Variants in MSI2 observed in about 807,000 individuals in gnomAD.
MSI2 encodes musashi RNA binding protein 2, also known as RNA-binding protein Musashi homolog 2.
Under a neutral mutation model 45.6 loss-of-function variants are expected in MSI2, and 17 were observed. The observed-to-expected ratio is 0.37, with a 90% CI of 0.26 to 0.56. The LOEUF is 0.56. MSI2 is among the 20% of genes least tolerant of loss of function. The pLI is 0.77. For missense variants in MSI2, 293 were observed against 444.2 expected (o/e 0.66, Z 3.06); for synonymous variants, 156 against 158.2 (o/e 0.99, Z 0.11).
intron 6 of MSI2, among the ~76,000 whole-genome samples, chr17:57,511,564 G>A (rs2143943567): frequency 6.6e-6 from 1 of 152,292 alleles, no homozygotes; most frequent in Non-Finnish European, 1.5e-5. Context: ...TTGCCCTGGG[G>A]AGGCAGGTTT....
intron 7 of MSI2, among the ~76,000 whole-genome samples, chr17:57,538,980 A>G (rs944989200): frequency 6.6e-6 from 1 of 152,220 alleles, no homozygotes; most frequent in Non-Finnish European, 1.5e-5. Flanking sequence ...TTTAATGAGT[A>G]TAAAGGGTTT....
intron 6 of MSI2, among the ~76,000 whole-genome samples, chr17:57,470,450 G>A (rs1238889058): frequency 6.6e-6 from 1 of 152,050 alleles, no homozygotes; most frequent in Non-Finnish European, 1.5e-5. Flanking sequence ...GCTAATTTTT[G>A]TATTTTTAGT....
intron 5 of MSI2, among the ~76,000 whole-genome samples, chr17:57,378,169 A>G (rs2083534095): frequency 6.6e-6 from 1 of 152,002 alleles, no homozygotes; most frequent in Non-Finnish European, 1.5e-5. Flanking sequence ...CTGGAGTGCA[A>G]TGGCGCACAC....
intron 5 of MSI2, among the ~76,000 whole-genome samples, chr17:57,380,905 G>A (rs2083587217): frequency 6.6e-6 from 1 of 152,082 alleles, no homozygotes; most frequent in African/African-American, 2.4e-5. Flanking sequence ...TGGTCTGTCT[G>A]TGCTCCCCCA....
chr17:57,290,982 C>G (rs1032722835), intron 5 of MSI2, among the ~76,000 whole-genome samples: 7 of 152,168 alleles, frequency 4.6e-5, no homozygotes, highest in African/African-American at 1.7e-4. Context: ...TGCGAGATGC[C>G]CCTGGGTGTC....
intron 6 of MSI2, among the ~76,000 whole-genome samples, chr17:57,421,562 C>T (rs1426162877): frequency 6.6e-6 from 1 of 151,896 alleles, no homozygotes. Context: ...TCCTCCTTCT[C>T]CTCAGGCACA....
At chr17:57,581,537 T>G (rs1438776961) in intron 7 of MSI2, among the ~76,000 whole-genome samples, 2 of 152,174 alleles carry the variant, frequency 1.3e-5, no homozygotes, top group African/African-American at 2.4e-5. Flanking sequence ...TTCTTTTGAG[T>G]AGGCTACACT....
rs537973474 is a variant in MSI2, at chr17:57,353,147, T to C, written c.313-48232T>C. On this transcript the variant is annotated intron_variant, in intron 5 of 13. Transcript: ENST00000284073. ...CCAGATAGCTCCCGAAAATGCGCTC[T>C]CCTCCAGAGAAGGACACTTTTCATT... 2.0e-5 allele frequency among the ~76,000 whole-genome samples: 3 copies of C among 152,300 alleles called. No individual in the cohort carries two copies. The East Asian group carries it at 5.8e-4, about 29-fold the overall frequency.
intron 5 of MSI2, among the ~76,000 whole-genome samples, chr17:57,272,228 C>G (rs1908440504): frequency 6.6e-6 from 1 of 152,196 alleles, no homozygotes; most frequent in South Asian, 2.1e-4. Context: ...GTGTTCTCCA[C>G]CCTAAAGAGG....
At chr17:57,540,626 A>G (rs1005927852) in intron 7 of MSI2, among the ~76,000 whole-genome samples, 1 of 152,218 alleles carries the variant, frequency 6.6e-6, no homozygotes, top group African/African-American at 2.4e-5. Context: ...ATGTGAAGAG[A>G]GAGACACAGG....
chr17:57,338,451 G>A (rs1001821918), intron 5 of MSI2, among the ~76,000 whole-genome samples: 7 of 152,208 alleles, frequency 4.6e-5, no homozygotes, highest in Non-Finnish European at 1.0e-4. Flanking sequence ...GCAATGGCAC[G>A]ATCTAGGCTC....
intron 6 of MSI2, among the ~76,000 whole-genome samples, chr17:57,451,094 CA>C (rs1476047095): frequency 6.6e-6 from 1 of 152,088 alleles, no homozygotes; most frequent in African/African-American, 2.4e-5. Context: ...TTGGAGGGTA[CA>C]GGTAAGTATC....
At chr17:57,472,104 G>C (rs571609775) in intron 6 of MSI2, among the ~76,000 whole-genome samples, 1 of 152,300 alleles carries the variant, frequency 6.6e-6, no homozygotes, top group South Asian at 2.1e-4. Context: ...TGTTGGAGTT[G>C]CTGCCGGTTC....
At chr17:57,344,326 A>G (rs937995412) in intron 5 of MSI2, among the ~76,000 whole-genome samples, 9 of 152,346 alleles carry the variant, frequency 5.9e-5, no homozygotes, top group Admixed American at 5.2e-4. Context: ...TACTGTACAT[A>G]ACAATTTTGG....
intron 8 of MSI2, among the ~76,000 whole-genome samples, chr17:57,603,258 A>G (rs1394410284): frequency 6.6e-6 from 1 of 152,132 alleles, no homozygotes; most frequent in Non-Finnish European, 1.5e-5. Flanking sequence ...CTTGCAGAAG[A>G]CACGTGAGGC....
chr17:57,601,716 G>A (rs7221887), intron 8 of MSI2: 58,601 of 152,168 alleles, frequency 0.39, 11,867 homozygotes, highest in African/African-American at 0.49. Flanking sequence ...AAAGGTGCCT[G>A]GGACGAGGGC....
At chr17:57,619,585 G>A (rs1908087988) in intron 9 of MSI2, among the ~76,000 whole-genome samples, 2 of 152,214 alleles carry the variant, frequency 1.3e-5, no homozygotes, top group African/African-American at 2.4e-5. Context: ...GAGAGCCAAC[G>A]AGCCTGGCCA....
Position 57,596,435 on chromosome 17 carries a change from C to G in MSI2, c.455-433C>G, listed in dbSNP as rs991243609. ...AGGAAGTAATTCAGGAAGAAAAGGA[C>G]AAATAACCACCTCCGTCTGGAGGCC... On this transcript the variant is annotated intron_variant, in intron 7 of 13. Coordinates refer to ENST00000284073, the MANE Select transcript of MSI2 (RefSeq NM_138962.4). The surrounding 1 kb of genome is among the most constrained non-coding windows in gnomAD (Gnocchi z 4.6). Among the ~76,000 whole-genome samples the G allele has an allele frequency of 5.3e-5, 8 of 152,210 alleles. No homozygotes were observed. Among genetic ancestry groups the G allele is most frequent in the African/African-American group, 1.9e-4 (8 of 41,452 alleles).
intron 5 of MSI2, chr17:57,266,095 G>A (rs888739694): frequency 6.6e-6 from 1 of 152,124 alleles, no homozygotes; most frequent in African/African-American, 2.4e-5. Context: ...TTAACTTTTA[G>A]AGGCCAGAAC....
Sources: allele counts gnomAD v4.1 joint callset (sites outside exome capture counted in the v4.1 genomes callset), GRCh38; gene constraint gnomAD v4.1.1; non-coding constraint Gnocchi (gnomAD v3.1); transcripts MANE v1.5; gene names NCBI Gene and HGNC (gene_info 2026-07-23, HGNC 2026-07-21).